Variants in WNT7A observed in about 807,000 individuals in gnomAD.
WNT7A encodes the protein Wnt family member 7A.
Under a neutral mutation model 28.2 loss-of-function variants are expected in WNT7A, and 16 were observed. The observed-to-expected ratio is 0.57, with a 90% CI of 0.38 to 0.86. The LOEUF is 0.86. Ranked by LOEUF, WNT7A falls within the 40% of genes least tolerant of loss-of-function variation. The probability of loss-of-function intolerance (pLI) is 0.00; values close to 1 mark genes in which losing one functional copy is unlikely to be tolerated. For synonymous variants in WNT7A, 190 were observed against 195.9 expected (o/e 0.97, Z 0.25); for missense variants, 411 against 489.7 (o/e 0.84, Z 1.52).
chr3:13,826,052 T>C (rs560807719), intron 3 of WNT7A, among the ~76,000 whole-genome samples: 2 of 152,320 alleles, frequency 1.3e-5, no homozygotes, highest in East Asian at 3.9e-4. Flanking sequence ...ACCTAGGGCA[T>C]GTCTGTCCAC....
chr3:13,877,606 C>G (rs1695129492), intron 1 of WNT7A, among the ~76,000 whole-genome samples: 1 of 152,236 alleles, frequency 6.6e-6, no homozygotes, highest in South Asian at 2.1e-4. Context: ...AAGCTTCCTT[C>G]ACTTATTAGT....
intron 1 of WNT7A, among the ~76,000 whole-genome samples, chr3:13,878,363 G>A (rs1381957030): frequency 6.6e-6 from 1 of 152,200 alleles, no homozygotes; most frequent in Non-Finnish European, 1.5e-5. Flanking sequence ...TGGCTTCCTG[G>A]ATGCTGAATG....
chr3:13,848,365 A>G (rs1280302156), intron 3 of WNT7A, among the ~76,000 whole-genome samples: 3 of 152,250 alleles, frequency 2.0e-5, no homozygotes, highest in African/African-American at 7.2e-5. Flanking sequence ...ATAAAGAAAT[A>G]TCCAAACTCA....
intron 1 of WNT7A, 36 bp downstream of exon 1, chr3:13,879,710 C>T (rs1218682563): frequency 1.9e-6 from 3 of 1,607,606 alleles, no homozygotes; most frequent in Non-Finnish European, 2.6e-6. Context: ...CCAACTTTGT[C>T]GAAACACGCG....
rs1022007482 is a variant in WNT7A, at chr3:13,827,026, G to C, written c.571-7603C>G. Among the ~76,000 whole-genome samples the C allele has an allele frequency of 2.0e-5, 3 of 152,200 alleles. No homozygotes were observed. In the South Asian group the frequency reaches 6.2e-4, roughly 32 times the overall value. ...GAATGAGCTGGAGCTGTTCAGCCTG[G>C]AGAAGGTAGTTTCTGGGATCCCTAG... On this transcript the variant is annotated intron_variant, in intron 3 of 3. Coordinates refer to ENST00000285018, the MANE Select transcript of WNT7A (RefSeq NM_004625.4).
chr3:13,866,889 T>C (rs1159758709), intron 2 of WNT7A, among the ~76,000 whole-genome samples: 1 of 152,156 alleles, frequency 6.6e-6, no homozygotes, highest in Non-Finnish European at 1.5e-5. Context: ...GATGTCATTG[T>C]CCAGGCAACA....
At chr3:13,825,818 T>C (rs1694185100) in intron 3 of WNT7A, among the ~76,000 whole-genome samples, 1 of 152,220 alleles carries the variant, frequency 6.6e-6, no homozygotes, top group Admixed American at 6.5e-5. Flanking sequence ...AGCATCCAAG[T>C]GTGAGTCCTC....
At chr3:13,865,511 A>T (rs190944059) in intron 2 of WNT7A, among the ~76,000 whole-genome samples, 92 of 152,306 alleles carry the variant, frequency 6.0e-4, no homozygotes, top group Middle Eastern at 3.4e-3. Flanking sequence ...TTGATGAGTG[A>T]GGCTGCCCAG....
chr3:13,866,587 G>A lies in WNT7A; in HGVS notation c.298+8360C>T, dbSNP rs568729359. 7.2e-5 allele frequency among the ~76,000 whole-genome samples: 11 copies of A among 152,294 alleles called. No individual in the cohort carries two copies. In the South Asian group the frequency reaches 1.0e-3, roughly 14 times the overall value. ...GAGAGGGGGTAATGAAGGCTTCTCC[G>A]AGGGGCTGACAGGTGAGTAGAGGAT... is the stretch of plus-strand genomic sequence containing the variant. On this transcript the variant is annotated intron_variant, in intron 2 of 3. Coordinates refer to ENST00000285018, the MANE Select transcript of WNT7A (RefSeq NM_004625.4).
intron 3 of WNT7A, among the ~76,000 whole-genome samples, chr3:13,844,036 C>T (rs112085630): frequency 0.015 from 2,233 of 152,228 alleles, 22 homozygotes; most frequent in Middle Eastern, 0.051. Flanking sequence ...CGGGAGCCAC[C>T]GTGCCTGGCC....
chr3:13,879,283 G>T (rs1440143360), intron 1 of WNT7A, among the ~76,000 whole-genome samples: 1 of 152,214 alleles, frequency 6.6e-6, no homozygotes, highest in Non-Finnish European at 1.5e-5. Flanking sequence ...GCCACCTGGG[G>T]ACTGCCCAGT....
chr3:13,820,651 C>T (rs987519164), intron 3 of WNT7A, among the ~76,000 whole-genome samples: 1 of 152,172 alleles, frequency 6.6e-6, no homozygotes, highest in Non-Finnish European at 1.5e-5. Context: ...CTAGTCTTGC[C>T]TCTGGCCCTG....
At chr3:13,874,390 C>T (rs1056646923) in intron 2 of WNT7A, among the ~76,000 whole-genome samples, 1 of 152,006 alleles carries the variant, frequency 6.6e-6, no homozygotes, top group African/African-American at 2.4e-5. Context: ...CTGCACACGC[C>T]ATTCCCATAA....
At chr3:13,833,078 C>A (rs189191436) in intron 3 of WNT7A, among the ~76,000 whole-genome samples, 3 of 152,086 alleles carry the variant, frequency 2.0e-5, no homozygotes, top group African/African-American at 4.8e-5. Flanking sequence ...GCTCCTACCC[C>A]CCCAGTAACC....
chr3:13,861,167 C>T (rs1694822008), intron 2 of WNT7A, among the ~76,000 whole-genome samples: 2 of 152,232 alleles, frequency 1.3e-5, no homozygotes, highest in Admixed American at 1.3e-4. Context: ...CATTCTTGCC[C>T]AGATCATCCA....
intron 2 of WNT7A, among the ~76,000 whole-genome samples, chr3:13,856,917 G>GAAGAAA (rs1559303255): frequency 1.2e-4 from 12 of 98,870 alleles, no homozygotes; most frequent in African/African-American, 1.5e-4. Flanking sequence ...AGAAGAAGAA[G>GAAGAAA]AAGAAGAAGA....
intron 2 of WNT7A, among the ~76,000 whole-genome samples, chr3:13,869,505 G>A (rs1406952558): frequency 6.9e-6 from 1 of 144,778 alleles, no homozygotes; most frequent in East Asian, 2.1e-4. Flanking sequence ...GAAAGAGAGA[G>A]GAAGGGAGAG....
intron 3 of WNT7A, among the ~76,000 whole-genome samples, chr3:13,846,988 T>A (rs1337342067): frequency 1.3e-5 from 2 of 152,160 alleles, no homozygotes; most frequent in Admixed American, 6.5e-5. Flanking sequence ...CCAGTCTCTG[T>A]GGGAAGGGCC....
At chr3:13,834,581 G>A (rs1014821364) in intron 3 of WNT7A, among the ~76,000 whole-genome samples, 1 of 152,058 alleles carries the variant, frequency 6.6e-6, no homozygotes, top group South Asian at 2.1e-4. Context: ...GCTGGTCACA[G>A]TGGGTTCCTT....
Sources: gnomAD v4.1 joint callset for allele counts (sites outside exome capture counted in the v4.1 genomes callset) on GRCh38, gnomAD v4.1.1 for gene constraint, MANE v1.5 for transcripts, NCBI Gene and HGNC (gene_info 2026-07-23, HGNC 2026-07-21) for gene names.